The following WDR49 variants were observed in gnomAD, a reference collection of about 807,000 sequenced individuals.
WDR49 encodes WD repeat domain 49, also known as cilia- and flagella-associated protein 337.
WDR49 carries 107 observed loss-of-function variants against 119.5 expected under a neutral mutation model. That is an observed-to-expected ratio of 0.90 (90% CI 0.77 to 1.05). WDR49 has a LOEUF of 1.05. Among genes scored for constraint, WDR49 ranks in the 50% least tolerant of loss-of-function variants. WDR49 has a pLI of 0.00. For missense variants in WDR49, 1,240 were observed against 1,220.5 expected (o/e 1.02, Z -0.24); for synonymous variants, 425 against 418.8 (o/e 1.01, Z -0.18).
At chr3:167,618,215 T>A (rs1716695776) in intron 5 of WDR49, among the ~76,000 whole-genome samples, 1 of 152,180 alleles carries the variant, frequency 6.6e-6, no homozygotes, top group Non-Finnish European at 1.5e-5. Context: ...AGAACTACTC[T>A]AGGAGTCAAA....
At chr3:167,593,045 C>G (rs891476088) in intron 7 of WDR49, among the ~76,000 whole-genome samples, 4 of 152,154 alleles carry the variant, frequency 2.6e-5, no homozygotes, top group Admixed American at 2.6e-4. Context: ...TATCCTTGAC[C>G]TTTGGGAGTT....
chr3:167,533,390 T>C (rs747152614), intron 11 of WDR49, among the ~76,000 whole-genome samples: 7 of 152,148 alleles, frequency 4.6e-5, no homozygotes, highest in Non-Finnish European at 1.0e-4. Context: ...CATAGGGTTA[T>C]TGTAGAGAAT....
At chr3:167,621,390 T>C in intron 4 of WDR49, 77 bp downstream of exon 4, 1 of 1,348,608 alleles carries the variant, frequency 7.4e-7, no homozygotes, top group Non-Finnish European at 9.7e-7. Context: ...TCACACTCAT[T>C]GCATTTTAAT....
At chr3:167,531,494 C>A (rs536014826) in intron 12 of WDR49, among the ~76,000 whole-genome samples, 1 of 152,232 alleles carries the variant, frequency 6.6e-6, no homozygotes, top group Admixed American at 6.5e-5. Flanking sequence ...GTTCCATACA[C>A]ACTTGCTCTG....
chr3:167,590,036 C>A (rs1055689423), intron 7 of WDR49, among the ~76,000 whole-genome samples: 8 of 151,964 alleles, frequency 5.3e-5, no homozygotes, highest in Non-Finnish European at 8.8e-5. Context: ...AGCTGTTGGT[C>A]TTTTATATAT....
At chr3:167,628,891 G>T (rs1717245931) in intron 2 of WDR49, among the ~76,000 whole-genome samples, 1 of 152,132 alleles carries the variant, frequency 6.6e-6, no homozygotes, top group Non-Finnish European at 1.5e-5. Flanking sequence ...GTTAGGGGCT[G>T]ATGTAACTGG....
intron 10 of WDR49, among the ~76,000 whole-genome samples, chr3:167,553,249 C>T (rs535713908): frequency 6.6e-6 from 1 of 151,974 alleles, no homozygotes. Context: ...TCCTGACAAC[C>T]TTGAGGATAA....
Position 167,575,998 on chromosome 3 carries a change from T to A in WDR49, c.1429A>T (p.Met477Leu). 6.2e-7 allele frequency: 1 copy of A among 1,614,152 alleles called. No individual in the cohort carries two copies. Among genetic ancestry groups the A allele is most frequent in the Non-Finnish European group, 8.5e-7 (1 of 1,180,012 alleles). The stretch of plus-strand genomic sequence containing the variant: ...ACCCTCTTGCTGGCTTCACTTTTCA[T>A]TGCCAACAATGCTAGCTGGTTATTA... The part of the protein sequence containing the change: ...SFNNQLALLA[M>L]KSEASKRVKS... The change falls in exon 8 of 19, where the codon ATG (methionine) becomes TTG (leucine). Residue 477 changes from methionine to leucine, a missense_variant. By Grantham distance (15) the Met-to-Leu change is conservative. Coordinates refer to ENST00000682715, the MANE Select transcript of WDR49 (RefSeq NM_001366157.1).
intron 2 of WDR49, among the ~76,000 whole-genome samples, chr3:167,636,079 C>A (rs1190577534): frequency 6.6e-6 from 1 of 151,658 alleles, no homozygotes; most frequent in Non-Finnish European, 1.5e-5. Context: ...GCAATATACA[C>A]TGAACCCAAT....
At chr3:167,619,806 G>A (rs753168210) in intron 5 of WDR49, among the ~76,000 whole-genome samples, 10 of 152,084 alleles carry the variant, frequency 6.6e-5, no homozygotes, top group South Asian at 6.2e-4. Flanking sequence ...TCTGAATCTC[G>A]AACCATCAGA....
chr3:167,534,086 T>A (rs1752938968), intron 11 of WDR49, among the ~76,000 whole-genome samples: 1 of 151,078 alleles, frequency 6.6e-6, no homozygotes, highest in Non-Finnish European at 1.5e-5. Context: ...TCCCAGCTAC[T>A]AGGGAGGCTG....
intron 8 of WDR49, among the ~76,000 whole-genome samples, chr3:167,568,817 G>C (rs1399648943): frequency 6.6e-6 from 1 of 152,160 alleles, no homozygotes; most frequent in Non-Finnish European, 1.5e-5. Flanking sequence ...TTAATGTAGA[G>C]AGCAACTGCT....
chr3:167,511,150 T>C (rs928176826), intron 16 of WDR49, among the ~76,000 whole-genome samples: 1 of 152,236 alleles, frequency 6.6e-6, no homozygotes, highest in Non-Finnish European at 1.5e-5. Context: ...CCTGATCATA[T>C]TCCTGGGAGA....
In WDR49 at chr3:167,610,506, C is replaced by T. The variant is rs529464876; in HGVS notation, c.959-6038G>A. Among the ~76,000 whole-genome samples, 18 of 152,332 alleles carry T rather than the reference C, an allele frequency of 1.2e-4. 1 individual carries two copies. Among genetic ancestry groups the T allele is most frequent in the African/African-American group, 4.1e-4 (17 of 41,578 alleles). Reference sequence around the variant, plus strand: ...AGAACTGCATCTTGTTGTTTGAGTGCCAGCTCAGCTGCAATAAGAGAACAC... The same window carrying T: ...AGAACTGCATCTTGTTGTTTGAGTGTCAGCTCAGCTGCAATAAGAGAACAC... On this transcript the variant is annotated intron_variant, in intron 5 of 18. Transcript: ENST00000682715.
intron 8 of WDR49, among the ~76,000 whole-genome samples, chr3:167,567,222 G>A (rs968264363): frequency 3.9e-5 from 6 of 152,072 alleles, no homozygotes; most frequent in East Asian, 1.9e-4. Context: ...ATTGTCTAAC[G>A]TCCCTTTGTT....
chr3:167,493,529 GA>G, intron 18 of WDR49, among the ~76,000 whole-genome samples: 1 of 152,242 alleles, frequency 6.6e-6, no homozygotes, highest in Middle Eastern at 3.4e-3. Context: ...GTGAGGCATG[GA>G]AAACACTGCT....
intron 17 of WDR49, 143 bp from the exon 18 acceptor site, chr3:167,500,442 T>C: frequency 1.0e-6 from 1 of 955,772 alleles, no homozygotes. Context: ...TGCAGTGATC[T>C]GCAAACCCTA....
chr3:167,497,009 A>T (rs1675610300), intron 18 of WDR49, among the ~76,000 whole-genome samples: 1 of 152,110 alleles, frequency 6.6e-6, no homozygotes, highest in South Asian at 2.1e-4. Context: ...CTCCTTCCTC[A>T]ACCTTGATAT....
At position 167,604,286 on chromosome 3, in the gene WDR49, A is replaced by G; in HGVS notation, c.1126+15T>C. ...TTATGAGGCCCTCATAGTTATCATG[A>G]TTTATTTTACCTACCAATTAAATTG... On this transcript the variant is annotated intron_variant, in intron 6 of 18. Transcript: ENST00000682715. 1 of 1,612,640 alleles carries G rather than the reference A, an allele frequency of 6.2e-7. No homozygotes were observed. The highest frequency in any genetic ancestry group is 8.5e-7 in the Non-Finnish European group (1 of 1,179,368).
Sources: gnomAD v4.1 joint callset for allele counts (sites outside exome capture counted in the v4.1 genomes callset) on GRCh38, gnomAD v4.1.1 for gene constraint, MANE v1.5 for transcripts, NCBI Gene and HGNC (gene_info 2026-07-23, HGNC 2026-07-21) for gene names.